The following TRPC5 variants were observed in gnomAD, a reference collection of about 807,000 sequenced individuals.
TRPC5 encodes transient receptor potential cation channel subfamily C member 5.
TRPC5 carries 9 observed loss-of-function variants against 56.5 expected under a neutral mutation model. The observed-to-expected ratio is 0.16, with a 90% CI of 0.10 to 0.28. TRPC5 has a LOEUF of 0.28. Ranked by LOEUF, TRPC5 falls within the 10% of genes least tolerant of loss-of-function variation. The pLI is 1.00. For synonymous variants in TRPC5, 282 were observed against 278.5 expected, an observed-to-expected ratio of 1.01 and a Z score of -0.13; for missense variants, 469 against 748.9, an observed-to-expected ratio of 0.63 and a Z score of 4.36.
At chrX:111,792,827 TATC>T (rs1946033564) in intron 7 of TRPC5, among the ~76,000 whole-genome samples, 1 of 112,025 alleles carries the variant, frequency 8.9e-6, no homozygotes, top group Non-Finnish European at 1.9e-5. Flanking sequence ...GATTGACTCT[TATC>T]ATCAAGAGGC....
chrX:111,852,541 T>C, intron 4 of TRPC5, 104 bp from the exon 5 acceptor site: 1 of 929,181 alleles, frequency 1.1e-6, no homozygotes, highest in Non-Finnish European at 1.5e-6. Context: ...AAGGAATGAA[T>C]TGGGGTCTCA....
At chrX:111,905,152 A>G (rs1238014523) in intron 3 of TRPC5, among the ~76,000 whole-genome samples, 3 of 106,974 alleles carry the variant, frequency 2.8e-5, no homozygotes, top group East Asian at 2.8e-4. Context: ...TTGTGATCCA[A>G]CTTGATTTTT....
Position 111,773,399 on chromosome X carries a change from G to C in TRPC5, c.*2914C>G, listed in dbSNP as rs1371803476. 4.5e-5 allele frequency among the ~76,000 whole-genome samples: 5 copies of C among 111,770 alleles called. No individual in the cohort carries two copies. The highest frequency in any genetic ancestry group is 9.4e-5 in the Non-Finnish European group (5 of 53,102). On this transcript the variant is annotated 3_prime_UTR_variant, in exon 11 of 11. Coordinates refer to ENST00000262839, the MANE Select transcript of TRPC5 (RefSeq NM_012471.3). ...AATCCAAGGTGTCCGGAAGTGATAA[G>C]CCAACTGTAATGTAGGTGGAACATG...
chrX:112,057,942 G>T (rs1329574749), intron 1 of TRPC5, among the ~76,000 whole-genome samples: 3 of 111,723 alleles, frequency 2.7e-5, no homozygotes, highest in Non-Finnish European at 5.6e-5. Flanking sequence ...GTGGTCCACT[G>T]TTGGAGAAAC....
intron 2 of TRPC5, among the ~76,000 whole-genome samples, chrX:111,923,232 C>G (rs1263540739): frequency 8.9e-6 from 1 of 111,996 alleles, no homozygotes; most frequent in Non-Finnish European, 1.9e-5. Flanking sequence ...AATATACAGA[C>G]ATATCTTAAG....
intron 7 of TRPC5, among the ~76,000 whole-genome samples, chrX:111,812,573 T>C (rs1358111438): frequency 8.9e-6 from 1 of 111,952 alleles, no homozygotes; most frequent in East Asian, 2.8e-4. Context: ...AACTCCCACA[T>C]TGCAAGTGTT....
intron 4 of TRPC5, 84 bp downstream of exon 4, chrX:111,853,686 G>T: frequency 1.0e-6 from 1 of 981,810 alleles, no homozygotes; most frequent in Non-Finnish European, 1.4e-6. Flanking sequence ...CTAGTTCAGA[G>T]CTAGTCTGAC....
chrX:111,921,255 A>G (rs772369583), intron 2 of TRPC5, among the ~76,000 whole-genome samples: 1 of 111,325 alleles, frequency 9.0e-6, no homozygotes, highest in South Asian at 3.8e-4. Flanking sequence ...GAAAGCAGCC[A>G]TAAGTGTAAG....
intron 6 of TRPC5, among the ~76,000 whole-genome samples, chrX:111,843,738 A>T (rs1471096310): frequency 9.0e-6 from 1 of 110,783 alleles, no homozygotes; most frequent in Non-Finnish European, 1.9e-5. Flanking sequence ...ACAGGTATTT[A>T]GAAAGAAACT....
intron 2 of TRPC5, among the ~76,000 whole-genome samples, chrX:111,940,418 C>T (rs1205917473): frequency 2.7e-5 from 3 of 111,426 alleles, no homozygotes; most frequent in Non-Finnish European, 3.8e-5. Flanking sequence ...CGGCCAGGCG[C>T]GGTGGCTCAC....
intron 1 of TRPC5, among the ~76,000 whole-genome samples, chrX:112,040,271 G>A (rs1252810318): frequency 8.9e-6 from 1 of 112,171 alleles, no homozygotes; most frequent in African/African-American, 3.2e-5. Flanking sequence ...AATCATCAAA[G>A]GGACCTTAAT....
chrX:111,854,631 T>G (rs1400241355), intron 3 of TRPC5, among the ~76,000 whole-genome samples: 2 of 112,201 alleles, frequency 1.8e-5, no homozygotes, highest in African/African-American at 6.5e-5. Context: ...GCTCATTCCC[T>G]TAGTCTACGT....
chrX:111,991,536 T>G (rs1032710576), intron 1 of TRPC5, among the ~76,000 whole-genome samples: 1 of 111,758 alleles, frequency 8.9e-6, no homozygotes, highest in Non-Finnish European at 1.9e-5. Flanking sequence ...TTTCTCCCAC[T>G]TAGAGTGAAA....
At chrX:112,073,137 A>G (rs955360832) in intron 1 of TRPC5, among the ~76,000 whole-genome samples, 3 of 112,130 alleles carry the variant, frequency 2.7e-5, no homozygotes, top group Admixed American at 9.5e-5. Flanking sequence ...TTTGCCTTCA[A>G]TCATTCTTCC....
At chrX:111,780,170 G>A (rs1298088262) in intron 9 of TRPC5, among the ~76,000 whole-genome samples, 4 of 111,309 alleles carry the variant, frequency 3.6e-5, no homozygotes, top group Admixed American at 2.9e-4. Context: ...GATGGTGAGA[G>A]ATGGTTGTCT....
At chrX:112,022,928 AT>A (rs575111907) in intron 1 of TRPC5, among the ~76,000 whole-genome samples, 28 of 107,294 alleles carry the variant, frequency 2.6e-4, no homozygotes, top group African/African-American at 4.4e-4. Context: ...ATTGAGGAAG[AT>A]TTTTTTTTTT....
At chrX:111,988,015 T>G (rs1419875709) in intron 1 of TRPC5, among the ~76,000 whole-genome samples, 1 of 112,643 alleles carries the variant, frequency 8.9e-6, no homozygotes, top group Non-Finnish European at 1.9e-5. Flanking sequence ...AGTTGACACA[T>G]AAAATTAACC....
At chrX:111,842,825 C>T (rs1922800671) in intron 6 of TRPC5, among the ~76,000 whole-genome samples, 1 of 102,533 alleles carries the variant, frequency 9.8e-6, no homozygotes, top group South Asian at 5.1e-4. Context: ...AAAGCAAGCT[C>T]AAAGTGGATC....
intron 1 of TRPC5, among the ~76,000 whole-genome samples, chrX:112,048,650 A>C (rs1236507838): frequency 9.0e-6 from 1 of 111,322 alleles, no homozygotes; most frequent in Non-Finnish European, 1.9e-5. Flanking sequence ...AGAATATGAA[A>C]GAAAACGTAT....
Sources: allele counts gnomAD v4.1 joint callset (sites outside exome capture counted in the v4.1 genomes callset), GRCh38; gene constraint gnomAD v4.1.1; transcripts MANE v1.5; gene names NCBI Gene and HGNC (gene_info 2026-07-23, HGNC 2026-07-21).